The following USP42 variants were observed in gnomAD, a reference collection of about 807,000 sequenced individuals.
USP42 encodes the protein ubiquitin carboxyl-terminal hydrolase 42.
USP42 carries 23 observed loss-of-function variants against 113.0 expected under a neutral mutation model. The observed-to-expected ratio is 0.20, with a 90% CI of 0.15 to 0.29. The LOEUF is 0.29. Ranked by LOEUF, USP42 falls within the 10% of genes least tolerant of loss-of-function variation. USP42 has a pLI of 1.00. For missense variants in USP42, 2,174 were observed against 1,779.8 expected, an observed-to-expected ratio of 1.22 and a Z score of -3.99; for synonymous variants, 933 against 699.0, an observed-to-expected ratio of 1.33 and a Z score of -5.28.
intron 3 of USP42, among the ~76,000 whole-genome samples, chr7:6,124,511 G>T (rs1040703174): frequency 6.6e-6 from 1 of 152,050 alleles, no homozygotes; most frequent in Non-Finnish European, 1.5e-5. Context: ...TGATCTGCCT[G>T]CCTCGGCCTC....
chr7:6,117,858 TA>T (rs1318581782), intron 3 of USP42, among the ~76,000 whole-genome samples: 1 of 152,214 alleles, frequency 6.6e-6, no homozygotes, highest in Non-Finnish European at 1.5e-5. Flanking sequence ...TTCATGTGGT[TA>T]TTTGCCATCC....
chr7:6,154,073 C>G lies in USP42; in HGVS notation c.2519C>G (p.Ala840Gly). Reference sequence around the variant, plus strand: ...TCCCAGGACGCAAAGGGGATGATCGCGGAGGGCCCGCGGGACTCGGCGTTG... The same window carrying G: ...TCCCAGGACGCAAAGGGGATGATCGGGGAGGGCCCGCGGGACTCGGCGTTG... ...PLSQDAKGMI[A>G]EGPRDSALAE... is the part of the protein sequence containing the mutation. The change falls in exon 15 of 18, where the codon GCG (alanine) becomes GGG (glycine). Residue 840 changes from alanine (A) to glycine (G), a missense_variant. Ala to Gly is a moderately conservative substitution (Grantham distance 60). Coordinates refer to ENST00000306177, the MANE Select transcript of USP42 (RefSeq NM_032172.3). The G allele has an allele frequency of 3.1e-6, 5 of 1,605,896 alleles. No individual in the cohort carries two copies. Among genetic ancestry groups the G allele is most frequent in the East Asian group, 2.2e-5 (1 of 44,868 alleles).
At chr7:6,082,674 G>GA in the USP42 span, among the ~76,000 whole-genome samples, 1 of 124,440 alleles carries the variant, frequency 8.0e-6, no homozygotes, top group Non-Finnish European at 1.6e-5. Flanking sequence ...GCAGTGGCAT[G>GA]ATCTTGGCTC....
chr7:6,112,393 G>A (rs933247883), intron 2 of USP42, among the ~76,000 whole-genome samples: 10 of 151,990 alleles, frequency 6.6e-5, no homozygotes, highest in African/African-American at 2.4e-4. Flanking sequence ...AGGTTGCAGT[G>A]AGCCCAAGAT....
chr7:6,122,931 C>G (rs552312622), intron 3 of USP42, among the ~76,000 whole-genome samples: 21 of 152,146 alleles, frequency 1.4e-4, no homozygotes, highest in African/African-American at 4.6e-4. Context: ...TCAAGTGATT[C>G]TCATACCTCA....
chr7:6,123,741 G>A (rs757579160), intron 3 of USP42, among the ~76,000 whole-genome samples: 2 of 151,402 alleles, frequency 1.3e-5, no homozygotes, highest in Non-Finnish European at 2.9e-5. Context: ...TTAGCTACTC[G>A]GGAGGCCGAG....
intron 3 of USP42, among the ~76,000 whole-genome samples, chr7:6,119,701 T>C (rs1317914112): frequency 6.6e-6 from 1 of 152,048 alleles, no homozygotes; most frequent in East Asian, 1.9e-4. Flanking sequence ...TTTGTTGTTG[T>C]TGTTGTTTTG....
At chr7:6,092,324 AC>A in the USP42 span, among the ~76,000 whole-genome samples, 1 of 146,166 alleles carries the variant, frequency 6.8e-6, no homozygotes. Context: ...GATTATAGGC[AC>A]CTCCCACCAC....
the USP42 span, among the ~76,000 whole-genome samples, chr7:6,099,860 G>T: frequency 2.5e-4 from 38 of 150,746 alleles, no homozygotes; most frequent in African/African-American, 8.2e-4. Context: ...CTACCTGGGA[G>T]GCGGAGGCAG....
Position 6,153,989 on chromosome 7 carries a change from A to G in USP42, c.2435A>G (p.Asp812Gly), listed in dbSNP as rs544070013. Residue 812 changes from aspartate (D) to glycine (G), a missense_variant, in exon 15 of 18, where the codon GAC becomes GGC. Physicochemically the swap from Asp to Gly is moderately conservative, Grantham distance 94. Transcript: ENST00000306177. The part of the protein sequence containing the change: ...PPSAGEDIVG[D>G]TAPPDLCDPG... Reference sequence around the variant, plus strand: ...AGCGCCGGCGAGGACATCGTGGGGGACACAGCACCCCCTGACCTGTGTGAT... The same window carrying G: ...AGCGCCGGCGAGGACATCGTGGGGGGCACAGCACCCCCTGACCTGTGTGAT... 6.3e-6 allele frequency: 10 copies of G among 1,599,658 alleles called. No homozygotes were observed. The highest frequency in any genetic ancestry group is 7.7e-6 in the Non-Finnish European group (9 of 1,176,438).
At position 6,159,115 on chromosome 7, in the gene USP42, C is replaced by G. The variant is rs117949627; in HGVS notation, c.3944-335C>G. ...GTGGTCCTGCGGGTCCCCCTCTACC[C>G]TGGACTTCGGCCCCTTGTCTTTCTC... On this transcript the variant is annotated intron_variant, in intron 16 of 17. Transcript: ENST00000306177. The surrounding 1 kb of genome is among the most constrained non-coding windows in gnomAD (Gnocchi z 4.1). 1.8e-3 allele frequency among the ~76,000 whole-genome samples: 278 copies of G among 152,336 alleles called. No homozygotes were observed. Among genetic ancestry groups the G allele is most frequent in the Non-Finnish European group, 3.5e-3 (237 of 68,030 alleles).
intron 11 of USP42, among the ~76,000 whole-genome samples, chr7:6,147,376 C>T (rs1251255577): frequency 6.6e-6 from 1 of 152,100 alleles, no homozygotes; most frequent in Non-Finnish European, 1.5e-5. Flanking sequence ...GGCAGGAGGG[C>T]AAGGCCACAG....
chr7:6,118,514 T>C (rs1780035293), intron 3 of USP42, among the ~76,000 whole-genome samples: 1 of 151,598 alleles, frequency 6.6e-6, no homozygotes, highest in African/African-American at 2.4e-5. Context: ...AGTAAGACCA[T>C]GTCTCAAGGA....
chr7:6,150,328 C>T, intron 13 of USP42, 26 bp downstream of exon 13: 1 of 1,611,388 alleles, frequency 6.2e-7, no homozygotes, highest in Non-Finnish European at 8.5e-7. Flanking sequence ...GGTCTTCAGC[C>T]TCGTTTGTGG....
Position 6,145,582 on chromosome 7 carries a change from G to A in USP42, c.1057G>A (p.Val353Ile), listed in dbSNP as rs765930900. 48 of 1,613,862 alleles carry A rather than the reference G, an allele frequency of 3.0e-5. No individual in the cohort carries two copies. Among genetic ancestry groups the A allele is most frequent in the South Asian group, 8.8e-5 (8 of 91,090 alleles). The change falls in exon 10 of 18, where the codon GTC becomes ATC. Residue 353 changes from valine to isoleucine, a missense_variant. Transcript: ENST00000306177. ...YMSQPNGEPI[V>I]YVLYAVLVHT... ...GTCTCAACCCAACGGAGAGCCAATT[G>A]TCTACGTCTTGTATGCAGTGCTGGT...
chr7:6,152,006 T>C (rs934359473), intron 14 of USP42, among the ~76,000 whole-genome samples: 2 of 152,106 alleles, frequency 1.3e-5, no homozygotes, highest in Non-Finnish European at 2.9e-5. Flanking sequence ...TCTGAAATTA[T>C]AGATAATAAA....
At chr7:6,100,646 C>G (rs1231243061), upstream of USP42, among the ~76,000 whole-genome samples, 1 of 148,852 alleles carries the variant, frequency 6.7e-6, no homozygotes, top group East Asian at 2.0e-4. Flanking sequence ...CATTTTTACA[C>G]TCTGTTTCTT....
At chr7:6,145,686 T>A in intron 10 of USP42, 30 bp downstream of exon 10, 1 of 1,602,674 alleles carries the variant, frequency 6.2e-7, no homozygotes, top group Non-Finnish European at 8.5e-7. Flanking sequence ...TATTAACTAT[T>A]GTTACATACA....
chr7:6,142,433 G>T (rs1781483482), intron 7 of USP42, among the ~76,000 whole-genome samples: 1 of 152,068 alleles, frequency 6.6e-6, no homozygotes, highest in Non-Finnish European at 1.5e-5. Flanking sequence ...AGCCAGGATG[G>T]TCTGGATCTC....
Sources: gnomAD v4.1 joint callset for allele counts (sites outside exome capture counted in the v4.1 genomes callset) on GRCh38, gnomAD v4.1.1 for gene constraint, Gnocchi (gnomAD v3.1) non-coding constraint, MANE v1.5 for transcripts, NCBI Gene and HGNC (gene_info 2026-07-23, HGNC 2026-07-21) for gene names.